Variants in MAP2K6 observed in about 807,000 individuals in gnomAD.
MAP2K6 encodes the protein dual specificity mitogen-activated protein kinase kinase 6.
In MAP2K6, 16 loss-of-function variants were observed where a neutral mutation model predicts 53.7. That is an observed-to-expected ratio of 0.30 (90% CI 0.20 to 0.45). The LOEUF is 0.45. Among genes scored for constraint, MAP2K6 ranks in the 20% least tolerant of loss-of-function variants. MAP2K6 has a pLI of 1.00. For missense variants in MAP2K6, 204 were observed against 411.9 expected (o/e 0.50, Z 4.37); for synonymous variants, 132 against 143.1 (o/e 0.92, Z 0.55).
chr17:69,466,917 G>A (rs1907833555), intron 1 of MAP2K6, among the ~76,000 whole-genome samples: 1 of 152,180 alleles, frequency 6.6e-6, no homozygotes, highest in South Asian at 2.1e-4. Context: ...AATATATGCA[G>A]AGCTAAACAA....
chr17:69,451,560 A>C (rs1013468238), intron 1 of MAP2K6, among the ~76,000 whole-genome samples: 1 of 152,202 alleles, frequency 6.6e-6, no homozygotes, highest in South Asian at 2.1e-4. Context: ...GGAGATTTGC[A>C]TACAGGAAGT....
intron 1 of MAP2K6, among the ~76,000 whole-genome samples, chr17:69,449,569 C>CTTTCTT (rs1907124490): frequency 9.7e-6 from 1 of 103,238 alleles, no homozygotes; most frequent in Non-Finnish European, 2.1e-5. Context: ...TTATTTCTTT[C>CTTTCTT]TTTCTTTCTT....
At chr17:69,460,804 TACTC>T (rs1396636635) in intron 1 of MAP2K6, among the ~76,000 whole-genome samples, 1 of 152,260 alleles carries the variant, frequency 6.6e-6, no homozygotes, top group South Asian at 2.1e-4. Context: ...GTCCCCATGT[TACTC>T]AGGCTGATTT....
At chr17:69,439,437 C>CT (rs1302696988) in intron 1 of MAP2K6, among the ~76,000 whole-genome samples, 2 of 152,126 alleles carry the variant, frequency 1.3e-5, no homozygotes, top group Admixed American at 1.3e-4. Flanking sequence ...TATTAGATGC[C>CT]TGAGATTTCT....
intron 1 of MAP2K6, among the ~76,000 whole-genome samples, chr17:69,424,846 G>A (rs1906216392): frequency 6.6e-6 from 1 of 152,154 alleles, no homozygotes; most frequent in Non-Finnish European, 1.5e-5. Context: ...TTAAGGTTGA[G>A]TTCCAAATAG....
intron 11 of MAP2K6, among the ~76,000 whole-genome samples, chr17:69,537,602 G>A (rs1289523976): frequency 5.3e-5 from 8 of 152,202 alleles, no homozygotes; most frequent in Non-Finnish European, 1.0e-4. Context: ...AGGAAGATGC[G>A]TGATAGTTAC....
chr17:69,469,843 T>C (rs933665828), intron 1 of MAP2K6, among the ~76,000 whole-genome samples: 2 of 152,016 alleles, frequency 1.3e-5, no homozygotes, highest in Admixed American at 6.6e-5. Flanking sequence ...TTTGGACATA[T>C]GATGGCAAAG....
At chr17:69,479,435 A>AG (rs749781647) in intron 1 of MAP2K6, among the ~76,000 whole-genome samples, 2 of 152,174 alleles carry the variant, frequency 1.3e-5, no homozygotes, top group African/African-American at 2.4e-5. Flanking sequence ...CTATGTGTAA[A>AG]GGGGTGTCTG....
chr17:69,540,801 A>G (rs1362153441), intron 11 of MAP2K6, among the ~76,000 whole-genome samples: 1 of 152,006 alleles, frequency 6.6e-6, no homozygotes, highest in Non-Finnish European at 1.5e-5. Context: ...AGATGGATCA[A>G]CTCTTCATCA....
chr17:69,426,380 T>C (rs552439747), intron 1 of MAP2K6, among the ~76,000 whole-genome samples: 52 of 152,354 alleles, frequency 3.4e-4, no homozygotes, highest in Non-Finnish European at 6.2e-4. Context: ...AGCAAGGTCA[T>C]ATATGTAACA....
In MAP2K6 at chr17:69,547,073, G is replaced by C. The variant is rs1426363349; in HGVS notation, c.*5320G>C. The stretch of plus-strand genomic sequence containing the variant: ...TGCTGACAGCTAAAGATGCTCTTTG[G>C]GTTTTTTTTTTGGCTTTAATTTGGG... On this transcript the variant is annotated 3_prime_UTR_variant, in exon 12 of 12. Coordinates refer to ENST00000590474, the MANE Select transcript of MAP2K6 (RefSeq NM_002758.4). 1 of 151,648 alleles carries C rather than the reference G, an allele frequency of 6.6e-6. No individual in the cohort carries two copies. The highest frequency in any genetic ancestry group is 2.4e-5 in the African/African-American group (1 of 41,300). The allele number at this position is 151,648 out of a possible 1,614,324, so 9.4% of individuals were successfully genotyped here.
intron 1 of MAP2K6, among the ~76,000 whole-genome samples, chr17:69,493,937 A>T (rs940761993): frequency 6.6e-5 from 10 of 152,278 alleles, no homozygotes; most frequent in African/African-American, 2.4e-4. Context: ...TTTCATTAAG[A>T]GTTTAAGTTA....
At chr17:69,436,318 A>T (rs1246460087) in intron 1 of MAP2K6, among the ~76,000 whole-genome samples, 6 of 150,936 alleles carry the variant, frequency 4.0e-5, no homozygotes, top group South Asian at 4.2e-4. Flanking sequence ...GAAAATTGAT[A>T]AAAAAAATAC....
chr17:69,521,362 C>A (rs906303175), intron 7 of MAP2K6: 1 of 366,636 alleles, frequency 2.7e-6, no homozygotes, highest in Admixed American at 4.6e-5. Context: ...GCTATGAGAT[C>A]ATATCATTGA....
At chr17:69,474,747 G>C (rs2716224) in intron 1 of MAP2K6, among the ~76,000 whole-genome samples, 76,242 of 152,080 alleles carry the variant, frequency 0.5, 19,804 homozygotes, top group East Asian at 0.84. Context: ...GAAATCCCAA[G>C]AGCACATTGA....
At chr17:69,508,041 GTTTTTTTTTTT>G (rs71144698) in intron 2 of MAP2K6, among the ~76,000 whole-genome samples, 889 of 44,922 alleles carry the variant, frequency 0.02, 14 homozygotes, top group African/African-American at 0.068. Context: ...TATATATGTA[GTTTTTTTTTTT>G]TTTTTTTTTT....
intron 9 of MAP2K6, among the ~76,000 whole-genome samples, chr17:69,525,358 C>T (rs17691066): frequency 0.042 from 6,324 of 152,206 alleles, 179 homozygotes; most frequent in Non-Finnish European, 0.061. Context: ...TGCTAATGTG[C>T]GTGAACCCTG....
chr17:69,494,978 C>T lies in MAP2K6; in HGVS notation c.17-10802C>T, dbSNP rs1041320270. On this transcript the variant is annotated intron_variant, in intron 1 of 11. Transcript: ENST00000590474. This position sits in a 1 kb window ranked among gnomAD's most constrained non-coding sequence, Gnocchi z 4.2. Reference sequence around the variant, plus strand: ...CGAGATCGCGACATTGCACTCCAGCCTGGGCAACAAGAGCGAAACTCTGTC... The same window carrying T: ...CGAGATCGCGACATTGCACTCCAGCTTGGGCAACAAGAGCGAAACTCTGTC... Among the ~76,000 whole-genome samples, 7 of 151,592 alleles carry T rather than the reference C, an allele frequency of 4.6e-5. No homozygotes were observed. Among genetic ancestry groups the T allele is most frequent in the Non-Finnish European group, 8.8e-5 (6 of 67,936 alleles).
At chr17:69,442,359 C>G (rs888162369) in intron 1 of MAP2K6, among the ~76,000 whole-genome samples, 3 of 152,032 alleles carry the variant, frequency 2.0e-5, no homozygotes, top group African/African-American at 7.2e-5. Flanking sequence ...CTCCCTAGAT[C>G]TTGCCTCTCC....
Sources: allele counts gnomAD v4.1 joint callset (sites outside exome capture counted in the v4.1 genomes callset), GRCh38; gene constraint gnomAD v4.1.1; non-coding constraint Gnocchi (gnomAD v3.1); transcripts MANE v1.5; gene names NCBI Gene and HGNC (gene_info 2026-07-23, HGNC 2026-07-21).